CLK4: variants seen among roughly 807,000 people sequenced by gnomAD.
The protein encoded by CLK4 is dual specificity protein kinase CLK4.
In CLK4, 37 loss-of-function variants were observed where a neutral mutation model predicts 64.4. The ratio of observed to expected loss-of-function variants is 0.57; its 90% confidence interval spans 0.44 to 0.76. The LOEUF (loss-of-function observed/expected upper bound fraction) is 0.76, where lower values mean the gene tolerates loss of function less well. CLK4 is among the 30% of genes least tolerant of loss of function. The pLI is 0.00. For missense variants in CLK4, 457 were observed against 605.1 expected (o/e 0.76, Z 2.57); for synonymous variants, 175 against 191.6 (o/e 0.91, Z 0.72).
rs764325859 is a variant in CLK4 at position 178,618,731 on chromosome 5, C to T, written c.209G>A (p.Arg70Gln). The T allele has an allele frequency of 5.6e-6, 9 of 1,613,814 alleles. No individual in the cohort carries two copies. Among genetic ancestry groups the T allele is most frequent in the South Asian group, 2.2e-5 (2 of 91,076 alleles). ...ATTCCTGTATTCGTCAACGTATCTC[C>T]GGTCCCGATAATCTCGCTCATTCAA... ...RSLNERDYRDRRYVDEYRNDY... is the reference protein window; with the variant it reads ...RSLNERDYRDQRYVDEYRNDY... Residue 70 changes from arginine (R) to glutamine (Q), a missense_variant, in exon 3 of 13, where the codon CGG becomes CAG. Coordinates refer to ENST00000316308, the MANE Select transcript of CLK4 (RefSeq NM_020666.3).
Position 178,609,695 on chromosome 5 carries a change from TAAAC to T in CLK4, c.1052-1241_1052-1238del, listed in dbSNP as rs1192684159. ...CAAAACTCCATCTCAAAAAAATAAA[TAAAC>T]AAATAACAAAAATAAAAAATAATAA... is the stretch of plus-strand genomic sequence containing the variant. On this transcript the variant is annotated intron_variant, in intron 9 of 12. Transcript: ENST00000316308. Among the ~76,000 whole-genome samples the T allele has an allele frequency of 2.2e-4, 30 of 136,654 alleles. No individual in the cohort carries two copies. In the South Asian group the frequency reaches 6.3e-3, roughly 29 times the overall value. 89.7% of individuals were successfully genotyped at this position (136,654 alleles called of 152,430 possible).
At chr5:178,623,641 ATT>A (rs61669840) in intron 1 of CLK4, among the ~76,000 whole-genome samples, 9 of 144,914 alleles carry the variant, frequency 6.2e-5, no homozygotes, top group Non-Finnish European at 9.1e-5. Flanking sequence ...ACCTTAAGAC[ATT>A]TTTTTTTTTT....
At chr5:178,625,232 T>A (rs1764762063) in intron 1 of CLK4, among the ~76,000 whole-genome samples, 1 of 152,012 alleles carries the variant, frequency 6.6e-6, no homozygotes, top group African/African-American at 2.4e-5. Flanking sequence ...AGCCCAGGAA[T>A]TCGAGACTGG....
rs928055139 is a variant in CLK4 at position 178,603,220 on chromosome 5, A to C, written c.*397T>G. On this transcript the variant is annotated 3_prime_UTR_variant, in exon 13 of 13. Coordinates refer to ENST00000316308, the MANE Select transcript of CLK4 (RefSeq NM_020666.3). ...CAACAATTACAGAAGAAAAACTTTT[A>C]AAGTTAAGTTCTAAATTTGAAGTAT... The C allele has an allele frequency of 2.0e-5, 3 of 153,098 alleles. No individual in the cohort carries two copies. The highest frequency in any genetic ancestry group is 4.4e-5 in the Non-Finnish European group (3 of 68,364). 9.5% of individuals were successfully genotyped at this position (153,098 alleles called of 1,614,324 possible). A position where few individuals can be genotyped will look rare whatever the true frequency, so the allele number is the denominator to read the frequency against.
At position 178,613,413 on chromosome 5, in the gene CLK4, C is replaced by T. The variant is rs113448048; in HGVS notation, c.826+60G>A. 128 of 1,138,220 alleles carry T rather than the reference C, an allele frequency of 1.1e-4. 1 individual carries two copies. The highest frequency in any genetic ancestry group is 6.6e-4 in the Middle Eastern group (2 of 3,014). The allele number at this position is 1,138,220 out of a possible 1,614,324, so 70.5% of individuals were successfully genotyped here. ...CAGCCTGGGTGACAGAGCGAGACTC[C>T]GTCTCAAAATAAATAAATAAATAAA... On this transcript the variant is annotated intron_variant, in intron 7 of 12. Coordinates refer to ENST00000316308, the MANE Select transcript of CLK4 (RefSeq NM_020666.3).
At chr5:178,604,954 AC>A in intron 11 of CLK4, 2 of 156,006 alleles carry the variant, frequency 1.3e-5, no homozygotes, top group Middle Eastern at 6.5e-3. Context: ...ACACGGTGAA[AC>A]CCCATCTCTA....
At chr5:178,604,624 T>C (rs965734167) in intron 11 of CLK4, 2 of 152,094 alleles carry the variant, frequency 1.3e-5, no homozygotes, top group Non-Finnish European at 1.5e-5. Flanking sequence ...ATAAGGAACC[T>C]TCATGCAACG....
chr5:178,625,602 T>C (rs1000925304), intron 1 of CLK4, among the ~76,000 whole-genome samples: 1 of 152,194 alleles, frequency 6.6e-6, no homozygotes, highest in African/African-American at 2.4e-5. Context: ...TGACCCTCCA[T>C]TACTATGAAG....
At chr5:178,604,324 G>A (rs1432730023) in intron 11 of CLK4, 1 of 155,648 alleles carries the variant, frequency 6.4e-6, no homozygotes, top group Non-Finnish European at 1.4e-5. Context: ...TATACAGCTG[G>A]TTAAGGACAG....
At chr5:178,606,174 C>A (rs1764465090) in intron 10 of CLK4, among the ~76,000 whole-genome samples, 1 of 151,784 alleles carries the variant, frequency 6.6e-6, no homozygotes, top group African/African-American at 2.4e-5. Context: ...AAATATAAAC[C>A]ACCTCTCAAA....
intron 10 of CLK4, among the ~76,000 whole-genome samples, chr5:178,607,867 A>G (rs757087623): frequency 6.6e-6 from 1 of 152,192 alleles, no homozygotes; most frequent in Non-Finnish European, 1.5e-5. Context: ...CTATACTGCG[A>G]TAACTTTCCA....
chr5:178,611,103 T>A (rs1581706285), intron 9 of CLK4, among the ~76,000 whole-genome samples: 1 of 151,604 alleles, frequency 6.6e-6, no homozygotes, highest in Non-Finnish European at 1.5e-5. Flanking sequence ...GGTTACTATA[T>A]ACTATATTTT....
At position 178,603,552 on chromosome 5, in the gene CLK4, T is replaced by C. The variant is rs1411925485; in HGVS notation, c.*65A>G. ...TTTACAAAAATATTAGAATGTTTAG[T>C]TGACTGACACAGTCTTAAGTAATCT... On this transcript the variant is annotated 3_prime_UTR_variant, in exon 13 of 13. Transcript: ENST00000316308. 1.7e-6 allele frequency: 2 copies of C among 1,165,034 alleles called. No homozygotes were observed. The highest frequency in any genetic ancestry group is 2.3e-6 in the Non-Finnish European group (2 of 852,234). 72.2% of individuals were successfully genotyped at this position (1,165,034 alleles called of 1,614,324 possible). A position where few individuals can be genotyped will look rare whatever the true frequency, so the allele number is the denominator to read the frequency against.
At chr5:178,620,436 A>G (rs1764693613) in intron 2 of CLK4, 1 of 270,262 alleles carries the variant, frequency 3.7e-6, no homozygotes, top group Non-Finnish European at 7.6e-6. Context: ...GAACACCATG[A>G]GGACAAACTA....
At position 178,617,053 on chromosome 5, in the gene CLK4, A is replaced by G. The variant is rs2113809944; in HGVS notation, c.476-105T>C. 1 of 804,274 alleles carries G rather than the reference A, an allele frequency of 1.2e-6. No individual in the cohort carries two copies. The highest frequency in any genetic ancestry group is 2.3e-4 in the Middle Eastern group (1 of 4,386). 49.8% of individuals were successfully genotyped at this position (804,274 alleles called of 1,614,324 possible). ...GGAATATTTTCAAATGATCTCTAAC[A>G]AAGCATAACTAAGGTTTCAGCACTC... is the stretch of plus-strand genomic sequence containing the variant. On this transcript the variant is annotated intron_variant, in intron 4 of 12. Coordinates refer to ENST00000316308, the MANE Select transcript of CLK4 (RefSeq NM_020666.3). The surrounding 1 kb of genome is among the most constrained non-coding windows in gnomAD (Gnocchi z 5.2).
At chr5:178,618,824 A>C in intron 2 of CLK4, 46 bp from the exon 3 acceptor site, 1 of 1,486,132 alleles carries the variant, frequency 6.7e-7, no homozygotes, top group Non-Finnish European at 9.3e-7. Flanking sequence ...TCATTCTGCA[A>C]TAATGTGGTT....
chr5:178,603,560 C>T lies in CLK4; in HGVS notation c.*57G>A, dbSNP rs1217055563. 5 of 1,247,846 alleles carry T rather than the reference C, an allele frequency of 4.0e-6. No individual in the cohort carries two copies. The East Asian group carries it at 1.3e-4, about 31-fold the overall frequency. The allele number at this position is 1,247,846 out of a possible 1,614,324, so 77.3% of individuals were successfully genotyped here. On this transcript the variant is annotated 3_prime_UTR_variant, in exon 13 of 13. Coordinates refer to ENST00000316308, the MANE Select transcript of CLK4 (RefSeq NM_020666.3). ...AATATTAGAATGTTTAGTTGACTGA[C>T]ACAGTCTTAAGTAATCTCTTCTAGA... is the stretch of plus-strand genomic sequence containing the variant.
chr5:178,605,147 T>A (rs1370196896), intron 11 of CLK4, 156 bp downstream of exon 11: 48 of 302,572 alleles, frequency 1.6e-4, no homozygotes, highest in Middle Eastern at 9.3e-4. Context: ...AAAAAAGGAG[T>A]AAGATGAAGT....
intron 5 of CLK4, among the ~76,000 whole-genome samples, chr5:178,615,619 C>G (rs888696454): frequency 6.6e-6 from 1 of 152,132 alleles, no homozygotes; most frequent in South Asian, 2.1e-4. Context: ...AGGTATCAAG[C>G]TGCTATGGTA....
Sources: allele counts gnomAD v4.1 joint callset (sites outside exome capture counted in the v4.1 genomes callset), GRCh38; gene constraint gnomAD v4.1.1; non-coding constraint Gnocchi (gnomAD v3.1); transcripts MANE v1.5; gene names NCBI Gene and HGNC (gene_info 2026-07-23, HGNC 2026-07-21).